Variants in ADGRL3 observed in about 807,000 individuals in gnomAD.
ADGRL3 encodes calcium-independent alpha-latrotoxin receptor 3.
A neutral mutation model predicts 153.5 loss-of-function variants in ADGRL3; 62 were observed. That is an observed-to-expected ratio of 0.40 (90% confidence interval 0.33 to 0.50). The LOEUF (loss-of-function observed/expected upper bound fraction) is 0.50, where lower values mean the gene tolerates loss of function less well. Ranked by LOEUF, ADGRL3 falls within the 20% of genes least tolerant of loss-of-function variation. ADGRL3 has a pLI of 0.47. For synonymous variants in ADGRL3, 710 were observed against 672.5 expected, an observed-to-expected ratio of 1.06 and a Z score of -0.86; for missense variants, 1,641 against 1,859.4, an observed-to-expected ratio of 0.88 and a Z score of 2.16.
chr4:61,349,770 C>G (rs1266247191), intron 1 of ADGRL3, among the ~76,000 whole-genome samples: 1 of 152,082 alleles, frequency 6.6e-6, no homozygotes. Context: ...ACTGCGGGGC[C>G]TATAAAGCCT....
At chr4:61,581,377 G>A (rs931779092) in intron 4 of ADGRL3, among the ~76,000 whole-genome samples, 6 of 150,202 alleles carry the variant, frequency 4.0e-5, no homozygotes, top group Non-Finnish European at 5.9e-5. Flanking sequence ...TCTCCATCCA[G>A]GGGTGTGTTT....
At chr4:61,999,760 G>A (rs1438884207) in intron 21 of ADGRL3, among the ~76,000 whole-genome samples, 1 of 152,046 alleles carries the variant, frequency 6.6e-6, no homozygotes. Flanking sequence ...TGACTAAGGT[G>A]TATTGACATT....
intron 25 of ADGRL3, chr4:62,063,470 T>C: frequency 1.6e-6 from 1 of 632,260 alleles, no homozygotes. Flanking sequence ...TGACCTTTTT[T>C]TTTTTTTCTC....
At chr4:61,294,545 A>G (rs2094337285) in intron 1 of ADGRL3, among the ~76,000 whole-genome samples, 2 of 152,154 alleles carry the variant, frequency 1.3e-5, no homozygotes, top group Non-Finnish European at 2.9e-5. Context: ...ACATTTTAAC[A>G]TATCTGAAAT....
chr4:61,682,943 AGT>A (rs978972667), intron 6 of ADGRL3, among the ~76,000 whole-genome samples: 3 of 152,108 alleles, frequency 2.0e-5, no homozygotes, highest in African/African-American at 7.2e-5. Context: ...AGTTCAGTCA[AGT>A]GGGGCTTAGA....
At chr4:61,835,072 G>A (rs1357264100) in intron 9 of ADGRL3, among the ~76,000 whole-genome samples, 14 of 152,042 alleles carry the variant, frequency 9.2e-5, no homozygotes, top group Admixed American at 8.5e-4. Flanking sequence ...TACACCAAGG[G>A]TAAAAGCTTT....
intron 9 of ADGRL3, among the ~76,000 whole-genome samples, chr4:61,856,309 C>T (rs1374936295): frequency 1.3e-5 from 2 of 150,938 alleles, no homozygotes; most frequent in African/African-American, 4.9e-5. Flanking sequence ...TCCTTCCATT[C>T]TTTATTTCCC....
At position 62,028,915 on chromosome 4, in the gene ADGRL3, T is replaced by A. The variant is rs766813750; in HGVS notation, c.3422+34T>A. 4 of 1,589,266 alleles carry A rather than the reference T, an allele frequency of 2.5e-6. No homozygotes were observed. In the Admixed American group the frequency reaches 6.9e-5, roughly 27 times the overall value. On this transcript the variant is annotated intron_variant, in intron 22 of 26. Transcript: ENST00000683033. ...GACCTGAATGGCTGATAAATTCCGTTTATCAGTGTGGTCCCATGAACCAGC... is the reference window on the plus strand; with the variant it reads ...GACCTGAATGGCTGATAAATTCCGTATATCAGTGTGGTCCCATGAACCAGC...
rs373169654 is a variant in ADGRL3 at position 61,218,050 on chromosome 4, G to A, written c.-240+16285G>A. On this transcript the variant is annotated intron_variant, in intron 1 of 26. Transcript: ENST00000683033. ...TTAAGGTTATTATTTAAATTTGGGG[G>A]GACTTTCTACAGTATGTAATGATAA... Among the ~76,000 whole-genome samples, 24 of 151,944 alleles carry A rather than the reference G, an allele frequency of 1.6e-4. No homozygotes were observed. The East Asian group carries it at 1.9e-3, about 12-fold the overall frequency.
intron 1 of ADGRL3, among the ~76,000 whole-genome samples, chr4:61,297,373 T>A (rs545419394): frequency 6.6e-6 from 1 of 152,268 alleles, no homozygotes; most frequent in South Asian, 2.1e-4. Context: ...ATATAATATA[T>A]GCTAAATTGC....
At chr4:61,216,182 G>A (rs961484197) in intron 1 of ADGRL3, among the ~76,000 whole-genome samples, 1 of 152,110 alleles carries the variant, frequency 6.6e-6, no homozygotes, top group African/African-American at 2.4e-5. Context: ...TTAAAAAGAC[G>A]AAATAGATTA....
At position 61,527,893 on chromosome 4, in the gene ADGRL3, A is replaced by G. The variant is rs556712968; in HGVS notation, c.259+10375A>G. 2.0e-5 allele frequency among the ~76,000 whole-genome samples: 3 copies of G among 152,254 alleles called. No individual in the cohort carries two copies. The South Asian group carries it at 6.2e-4, about 32-fold the overall frequency. On this transcript the variant is annotated intron_variant, in intron 4 of 26. Transcript: ENST00000683033. ...TCCCACTTTAACAGCATCATATCAT[A>G]CAGTTCCTGGTGCCTCCACTGTGTT...
At chr4:61,929,405 C>T (rs1196740535) in intron 13 of ADGRL3, among the ~76,000 whole-genome samples, 1 of 152,088 alleles carries the variant, frequency 6.6e-6, no homozygotes, top group Non-Finnish European at 1.5e-5. Context: ...GGACTAAGAG[C>T]CCACTGGGGT....
At chr4:61,363,449 T>G (rs966863104) in intron 1 of ADGRL3, among the ~76,000 whole-genome samples, 2 of 152,096 alleles carry the variant, frequency 1.3e-5, no homozygotes, top group African/African-American at 2.4e-5. Flanking sequence ...ATGGCTAGAG[T>G]TGTAAACACG....
intron 4 of ADGRL3, among the ~76,000 whole-genome samples, chr4:61,569,738 A>G (rs926230288): frequency 6.6e-6 from 1 of 152,182 alleles, no homozygotes; most frequent in Middle Eastern, 3.2e-3. Flanking sequence ...AATACAAGTT[A>G]TAACATATAT....
At chr4:61,463,564 G>A (rs335341) in intron 2 of ADGRL3, among the ~76,000 whole-genome samples, 123,698 of 152,126 alleles carry the variant, frequency 0.81, 53,928 homozygotes, top group Non-Finnish European at 0.96. Flanking sequence ...CTGGACATGA[G>A]ATTTGGGTGG....
chr4:61,430,178 A>G (rs909166829), intron 2 of ADGRL3, among the ~76,000 whole-genome samples: 2 of 152,150 alleles, frequency 1.3e-5, no homozygotes, highest in African/African-American at 4.8e-5. Context: ...GCACTTTATA[A>G]ATTAATAGAA....
rs1360779457 is a variant in ADGRL3, at chr4:61,732,844, C to A, written c.689C>A (p.Pro230His). The A allele has an allele frequency of 6.2e-7, 1 of 1,613,064 alleles. No individual in the cohort carries two copies. Among genetic ancestry groups the A allele is most frequent in the Non-Finnish European group, 8.5e-7 (1 of 1,179,640 alleles). Residue 230 changes from proline to histidine, a missense_variant, in exon 8 of 27, where the codon CCT (proline) becomes CAT (histidine). Transcript: ENST00000683033. ...CAATCTGGGGCGTGGTGCAAAGACCCTCTGCAGGCATCTGACAAGATTTAT... is the reference window on the plus strand; with the variant it reads ...CAATCTGGGGCGTGGTGCAAAGACCATCTGCAGGCATCTGACAAGATTTAT... ...DHQSGAWCKD[P>H]LQASDKIYYM...
At chr4:61,670,494 GGAA>G (rs1465735840) in intron 5 of ADGRL3, among the ~76,000 whole-genome samples, 1 of 151,998 alleles carries the variant, frequency 6.6e-6, no homozygotes, top group Non-Finnish European at 1.5e-5. Context: ...TCTGTATAAT[GGAA>G]GTGAAAGAAA....
Sources: allele counts gnomAD v4.1 joint callset (sites outside exome capture counted in the v4.1 genomes callset), GRCh38; gene constraint gnomAD v4.1.1; transcripts MANE v1.5; gene names NCBI Gene and HGNC (gene_info 2026-07-23, HGNC 2026-07-21).